NRG1: variants seen among roughly 807,000 people sequenced by gnomAD.
NRG1 encodes pro-neuregulin-1, membrane-bound isoform.
Under a neutral mutation model 63.8 loss-of-function variants are expected in NRG1, and 18 were observed. The ratio of observed to expected loss-of-function variants is 0.28; its 90% CI spans 0.19 to 0.42. The LOEUF (loss-of-function observed/expected upper bound fraction) is 0.42, where lower values mean the gene tolerates loss of function less well. Among genes scored for constraint, NRG1 ranks in the 10% least tolerant of loss-of-function variants. The pLI is 1.00. For missense variants in NRG1, 762 were observed against 814.7 expected, an observed-to-expected ratio of 0.94 and a Z score of 0.79; for synonymous variants, 302 against 301.3, an observed-to-expected ratio of 1.00 and a Z score of -0.02.
At position 32,511,367 on chromosome 8, in the gene NRG1, G is replaced by GTATATATATA. The variant is rs202038797; in HGVS notation, c.38-84438_38-84429dup. Among the ~76,000 whole-genome samples the GTATATATATA allele has an allele frequency of 6.2e-3, 754 of 121,890 alleles. 7 individuals are homozygous for GTATATATATA. The highest frequency in any genetic ancestry group is 8.6e-3 in the Middle Eastern group (2 of 232). 80.0% of individuals were successfully genotyped at this position (121,890 alleles called of 152,430 possible). On this transcript the variant is annotated intron_variant, in intron 1 of 10. Coordinates refer to the NRG1 transcript ENST00000519301. ...TGTGTCTGTCTGTCGATATATATGT[G>GTATATATATA]TATATATATATATATATATATATAT... is the stretch of plus-strand genomic sequence containing the variant.
At chr8:32,179,935 G>T (rs1585886264) in intron 1 of NRG1, among the ~76,000 whole-genome samples, 2 of 151,892 alleles carry the variant, frequency 1.3e-5, no homozygotes. Flanking sequence ...AGTCCAACAG[G>T]CAACTAAAGA....
chr8:32,330,041 TAAAAAAAAAAAAAAAAA>T (rs532006401), intron 1 of NRG1, among the ~76,000 whole-genome samples: 44 of 43,020 alleles, frequency 1.0e-3, no homozygotes, highest in South Asian at 7.5e-3. Context: ...CCTAGCTAAT[TAAAAAAAAAAAAAAAAA>T]AAAAAAAAAA....
intron 5 of NRG1, among the ~76,000 whole-genome samples, chr8:32,640,156 C>G (rs1439710115): frequency 6.6e-6 from 1 of 151,930 alleles, no homozygotes; most frequent in Admixed American, 6.6e-5. Flanking sequence ...ATGTATTGCT[C>G]CAGTAAATGT....
intron 1 of NRG1, among the ~76,000 whole-genome samples, chr8:31,659,744 C>T (rs1009501476): frequency 6.6e-6 from 1 of 152,210 alleles, no homozygotes; most frequent in African/African-American, 2.4e-5. Flanking sequence ...TGTCTTGCTG[C>T]ATGCTCTGTG....
At chr8:31,850,289 G>A (rs746901882) in intron 1 of NRG1, among the ~76,000 whole-genome samples, 1 of 152,132 alleles carries the variant, frequency 6.6e-6, no homozygotes, top group African/African-American at 2.4e-5. Flanking sequence ...TTTTGCCATG[G>A]GATGATGGCA....
intron 5 of NRG1, among the ~76,000 whole-genome samples, chr8:32,723,207 AC>A (rs1821092775): frequency 6.6e-6 from 1 of 152,196 alleles, no homozygotes; most frequent in Non-Finnish European, 1.5e-5. Context: ...GAGAAGTCCC[AC>A]AGCTAATAAT....
intron 1 of NRG1, among the ~76,000 whole-genome samples, chr8:32,148,322 A>G (rs996327712): frequency 6.6e-6 from 1 of 152,228 alleles, no homozygotes; most frequent in Non-Finnish European, 1.5e-5. Context: ...TGCCAAAATC[A>G]TAATACCTGC....
chr8:32,252,059 A>G (rs1171458460), intron 1 of NRG1, among the ~76,000 whole-genome samples: 1 of 151,816 alleles, frequency 6.6e-6, no homozygotes, highest in Non-Finnish European at 1.5e-5. Flanking sequence ...TTTTTCTTGT[A>G]AATTTGTTTA....
At chr8:32,038,955 GA>G (rs201449743) in intron 1 of NRG1, among the ~76,000 whole-genome samples, 1 of 150,486 alleles carries the variant, frequency 6.6e-6, no homozygotes, top group Admixed American at 6.6e-5. Context: ...TCAGAAAAAG[GA>G]AAAAAAAATC....
intron 1 of NRG1, among the ~76,000 whole-genome samples, chr8:31,889,250 G>A (rs944369607): frequency 1.3e-5 from 2 of 152,118 alleles, no homozygotes; most frequent in Non-Finnish European, 2.9e-5. Flanking sequence ...ATTGTTTACA[G>A]TTTTTATTCT....
chr8:32,421,491 C>T (rs1450986674), intron 1 of NRG1, among the ~76,000 whole-genome samples: 2 of 152,122 alleles, frequency 1.3e-5, no homozygotes, highest in Admixed American at 1.3e-4. Context: ...TGAGTGAGGT[C>T]ATGTTAATAA....
intron 1 of NRG1, among the ~76,000 whole-genome samples, chr8:32,034,945 T>C (rs1818810633): frequency 6.6e-6 from 1 of 152,126 alleles, no homozygotes; most frequent in Non-Finnish European, 1.5e-5. Context: ...CTTTATTGCC[T>C]TCAGTTCTGC....
At chr8:32,329,277 C>T (rs530844221) in intron 1 of NRG1, among the ~76,000 whole-genome samples, 209 of 152,196 alleles carry the variant, frequency 1.4e-3, no homozygotes, top group African/African-American at 4.8e-3. Context: ...CTGACATCTA[C>T]AGATTATCAT....
intron 1 of NRG1, among the ~76,000 whole-genome samples, chr8:32,589,066 C>T (rs1426751342): frequency 6.6e-6 from 1 of 152,204 alleles, no homozygotes; most frequent in Non-Finnish European, 1.5e-5. Context: ...AGTAGCAGGG[C>T]ATTAAAACCT....
intron 1 of NRG1, among the ~76,000 whole-genome samples, chr8:31,660,608 C>G (rs1394153586): frequency 1.3e-5 from 2 of 152,142 alleles, no homozygotes. Flanking sequence ...TCCGGCTCAC[C>G]AGCCACTAGA....
At chr8:32,400,312 G>A (rs549605320) in intron 1 of NRG1, among the ~76,000 whole-genome samples, 1 of 152,210 alleles carries the variant, frequency 6.6e-6, no homozygotes, top group South Asian at 2.1e-4. Context: ...GGCAAACTCT[G>A]TCTCTACCAA....
At chr8:32,754,590 G>A (rs1829337332) in intron 8 of NRG1, 116 bp downstream of exon 8, 1 of 872,430 alleles carries the variant, frequency 1.1e-6, no homozygotes, top group Non-Finnish European at 1.8e-6. Flanking sequence ...AAAAAAAGGA[G>A]GGGCAGGGGG....
chr8:31,928,886 A>C (rs1834638451), intron 1 of NRG1, among the ~76,000 whole-genome samples: 1 of 152,120 alleles, frequency 6.6e-6, no homozygotes. Context: ...GCTGGGAGTG[A>C]GGGTGAGAGA....
intron 1 of NRG1, among the ~76,000 whole-genome samples, chr8:31,802,124 G>C (rs1385836911): frequency 6.6e-6 from 1 of 152,104 alleles, no homozygotes; most frequent in Non-Finnish European, 1.5e-5. Flanking sequence ...AGGGCATTGG[G>C]TCCTCCATTT....
Sources: allele counts gnomAD v4.1 joint callset (sites outside exome capture counted in the v4.1 genomes callset), GRCh38; gene constraint gnomAD v4.1.1; transcripts MANE v1.5; gene names NCBI Gene and HGNC (gene_info 2026-07-23, HGNC 2026-07-21).